NOP9: variants seen among roughly 807,000 people sequenced by gnomAD.
The protein encoded by NOP9 is nucleolar protein 9.
NOP9 carries 50 observed loss-of-function variants against 63.0 expected under a neutral mutation model. The ratio of observed to expected loss-of-function variants is 0.79; its 90% CI spans 0.63 to 1.00. The LOEUF (loss-of-function observed/expected upper bound fraction) is 1.00, where lower values mean the gene tolerates loss of function less well. NOP9 is among the 50% of genes least tolerant of loss of function. The probability of loss-of-function intolerance (pLI) is 0.00; values close to 1 mark genes in which losing one functional copy is unlikely to be tolerated. For synonymous variants in NOP9, 343 were observed against 332.8 expected (o/e 1.03, Z -0.33); for missense variants, 758 against 803.0 (o/e 0.94, Z 0.68).
In NOP9 at chr14:24,307,209, C is replaced by G. The variant is rs571955853; in HGVS notation, c.*2114C>G. ...AAAAGCTCACTCGGTGGAAAATGAACAAATTGACCAGAGCTCATTAGGCCC... is the reference window on the plus strand; with the variant it reads ...AAAAGCTCACTCGGTGGAAAATGAAGAAATTGACCAGAGCTCATTAGGCCC... On this transcript the variant is annotated 3_prime_UTR_variant, in exon 10 of 10. Coordinates refer to ENST00000267425, the MANE Select transcript of NOP9 (RefSeq NM_174913.3). 1 of 695,370 alleles carries G rather than the reference C, an allele frequency of 1.4e-6. No individual in the cohort carries two copies. The highest frequency in any genetic ancestry group is 2.3e-6 in the Non-Finnish European group (1 of 426,882). 43.1% of individuals were successfully genotyped at this position (695,370 alleles called of 1,614,324 possible).
At position 24,306,265 on chromosome 14, in the gene NOP9, C is replaced by T. The variant is rs916649469; in HGVS notation, c.*1170C>T. 2 of 1,543,784 alleles carry T rather than the reference C, an allele frequency of 1.3e-6. No homozygotes were observed. The highest frequency in any genetic ancestry group is 2.7e-5 in the African/African-American group (2 of 73,400). On this transcript the variant is annotated 3_prime_UTR_variant, in exon 10 of 10. Transcript: ENST00000267425. ...CACTGTGTGACATCCTTGACAATTC[C>T]ACAACTCCTCCTGCACCTGGTCCCC...
At chr14:24,281,182 T>C in the NOP9 span, among the ~76,000 whole-genome samples, 1 of 152,190 alleles carries the variant, frequency 6.6e-6, no homozygotes. Context: ...TGTTGGGAAA[T>C]TCTCTCTTAG....
In NOP9 at chr14:24,307,596, A is replaced by G; in HGVS notation, c.*2501A>G. 1 of 1,489,816 alleles carries G rather than the reference A, an allele frequency of 6.7e-7. No homozygotes were observed. The highest frequency in any genetic ancestry group is 9.2e-7 in the Non-Finnish European group (1 of 1,089,462). 92.3% of individuals were successfully genotyped at this position (1,489,816 alleles called of 1,614,324 possible). ...AGGGCATGATGAGGGTAGAGTGGCTAGAGGGCTAGGGAGGGAGAGATCTAG... is the reference window on the plus strand; with the variant it reads ...AGGGCATGATGAGGGTAGAGTGGCTGGAGGGCTAGGGAGGGAGAGATCTAG... On this transcript the variant is annotated 3_prime_UTR_variant, in exon 10 of 10. Coordinates refer to ENST00000267425, the MANE Select transcript of NOP9 (RefSeq NM_174913.3).
In NOP9 at chr14:24,304,584, T is replaced by G. The variant is rs2041443967; in HGVS notation, c.1739T>G (p.Ile580Ser). 2 of 1,610,978 alleles carry G rather than the reference T, an allele frequency of 1.2e-6. No individual in the cohort carries two copies. The highest frequency in any genetic ancestry group is 1.7e-6 in the Non-Finnish European group (2 of 1,178,862). Reference protein sequence around the residue: ...SGAALRARKEIAAELGEQNQE... With the variant: ...SGAALRARKESAAELGEQNQE... ...GCAGCCTTGAGGGCCCGGAAGGAAA[T>G]TGCTGCTGAGCTTGGTGAGTACCAG... Residue 580 changes from isoleucine to serine, a missense_variant, in exon 9 of 10, where the codon ATT becomes AGT. Coordinates refer to ENST00000267425, the MANE Select transcript of NOP9 (RefSeq NM_174913.3).
At chr14:24,291,749 C>T in the NOP9 span, 1 of 1,041,052 alleles carries the variant, frequency 9.6e-7, no homozygotes. Context: ...AGACCTCAAG[C>T]AGGGCCTGTA....
chr14:24,291,122 T>C, the NOP9 span: 1 of 1,614,084 alleles, frequency 6.2e-7, no homozygotes, highest in Admixed American at 1.7e-5. Context: ...GGCTGACTGC[T>C]GTGCCAGGGT....
At chr14:24,302,741 C>T (rs1396868641) in intron 5 of NOP9, among the ~76,000 whole-genome samples, 4 of 152,190 alleles carry the variant, frequency 2.6e-5, no homozygotes, top group Non-Finnish European at 5.9e-5. Flanking sequence ...CATAGCTTCT[C>T]TTTTCCTTTG....
upstream of NOP9, chr14:24,296,873 G>C: frequency 6.2e-7 from 1 of 1,614,196 alleles, no homozygotes; most frequent in Non-Finnish European, 8.5e-7. Context: ...GGCCCCCGAG[G>C]GATTGTGCCT....
chr14:24,275,951 G>A, the NOP9 span, among the ~76,000 whole-genome samples: 17 of 152,256 alleles, frequency 1.1e-4, no homozygotes, highest in African/African-American at 3.9e-4. Flanking sequence ...GACAATGGAA[G>A]TGTTTGGTAT....
the NOP9 span, among the ~76,000 whole-genome samples, chr14:24,278,070 C>T: frequency 6.6e-6 from 1 of 152,292 alleles, no homozygotes; most frequent in African/African-American, 2.4e-5. Context: ...ACTTCCTCTG[C>T]CCCCAGCTTC....
intron 1 of NOP9, 88 bp from the exon 2 acceptor site, chr14:24,300,320 C>CT: frequency 6.5e-7 from 1 of 1,543,072 alleles, no homozygotes; most frequent in Non-Finnish European, 8.8e-7. Context: ...CTTCCTCGGC[C>CT]TCCGACCCAC....
chr14:24,292,388 GC>G, the NOP9 span: 1 of 1,603,042 alleles, frequency 6.2e-7, no homozygotes, highest in Non-Finnish European at 8.5e-7. Context: ...TTCCTGCCCT[GC>G]CCTCTCTGCT....
chr14:24,281,139 A>G, the NOP9 span, among the ~76,000 whole-genome samples: 1 of 152,198 alleles, frequency 6.6e-6, no homozygotes, highest in Non-Finnish European at 1.5e-5. Context: ...GTAGCCCTAC[A>G]GAGGCATCCA....
Position 24,306,096 on chromosome 14 carries a change from C to T in NOP9, c.*1001C>T. On this transcript the variant is annotated 3_prime_UTR_variant, in exon 10 of 10. Coordinates refer to ENST00000267425, the MANE Select transcript of NOP9 (RefSeq NM_174913.3). ...TGAATCGGGCGATGTCCTTGCTGTG[C>T]TTGGGCCTCTCCCGTCCCAGGCCAT... 3 of 1,614,102 alleles carry T rather than the reference C, an allele frequency of 1.9e-6. No individual in the cohort carries two copies. Among genetic ancestry groups the T allele is most frequent in the South Asian group, 1.1e-5 (1 of 91,086 alleles).
intron 5 of NOP9, 73 bp downstream of exon 5, chr14:24,302,497 G>C: frequency 7.1e-7 from 1 of 1,399,146 alleles, no homozygotes; most frequent in Non-Finnish European, 9.8e-7. Context: ...TGGTCTGTCT[G>C]CCTCTATATA....
At chr14:24,296,419 G>A (rs2041248028), upstream of NOP9, 1 of 1,277,912 alleles carries the variant, frequency 7.8e-7, no homozygotes, top group Admixed American at 1.7e-5. Context: ...GGAGGCCGGA[G>A]GGAAAAGGAG....
rs772080487 is a variant in NOP9, at chr14:24,306,341, G to C, written c.*1246G>C. On this transcript the variant is annotated 3_prime_UTR_variant, in exon 10 of 10. Transcript: ENST00000267425. ...AGCCCGGGAAAGCTCTAAAGGACAG[G>C]CATTGGAAGCAGCCCCAGTATAGGC... The C allele has an allele frequency of 6.2e-7, 1 of 1,613,698 alleles. No homozygotes were observed. Among genetic ancestry groups the C allele is most frequent in the East Asian group, 2.2e-5 (1 of 44,870 alleles).
chr14:24,271,558 G>T, the NOP9 span: 1 of 160,528 alleles, frequency 6.2e-6, no homozygotes, highest in Admixed American at 6.5e-5. Context: ...TGGCTAGAGC[G>T]GCGCCACGTC....
chr14:24,296,909 A>C (rs747495084), upstream of NOP9: 5 of 1,613,782 alleles, frequency 3.1e-6, no homozygotes, highest in Admixed American at 5.0e-5. Context: ...ATATGAGCTC[A>C]CATTCACACA....
Sources: gnomAD v4.1 joint callset for allele counts (sites outside exome capture counted in the v4.1 genomes callset) on GRCh38, gnomAD v4.1.1 for gene constraint, MANE v1.5 for transcripts, NCBI Gene and HGNC (gene_info 2026-07-23, HGNC 2026-07-21) for gene names.